Variants in SNED1 observed in about 807,000 individuals in gnomAD.
The protein encoded by SNED1 is sushi, nidogen and EGF like domains 1, also known as sushi, nidogen and EGF-like domain-containing protein 1.
SNED1 carries 81 observed loss-of-function variants against 166.7 expected under a neutral mutation model. The observed-to-expected ratio is 0.49, with a 90% confidence interval of 0.41 to 0.58. SNED1 has a LOEUF of 0.58. SNED1 is among the 20% of genes least tolerant of loss of function. The probability of loss-of-function intolerance (pLI) is 0.00; values close to 1 mark genes in which losing one functional copy is unlikely to be tolerated. For synonymous variants in SNED1, 762 were observed against 822.0 expected (o/e 0.93, Z 1.25); for missense variants, 1,604 against 2,000.2 (o/e 0.80, Z 3.78).
At chr2:241,032,083 C>G (rs1043010877) in intron 2 of SNED1, among the ~76,000 whole-genome samples, 2 of 152,168 alleles carry the variant, frequency 1.3e-5, no homozygotes, top group African/African-American at 4.8e-5. Context: ...GGTGCGATGG[C>G]TCACCCCTGT....
rs768162191 is a variant in SNED1, at chr2:241,048,675, CTG to C, written c.1416_1417del (p.Cys472Ter). ...TCTTCGTGGCAGGAGTCCCCGATGA[CTG>C]TGAGTGCCGCAACGGAGGCAGATGC... The part of the protein sequence containing the change: ...LDCRERVPDD[C>X]ECRNGGRCLG... On this transcript the variant is annotated frameshift_variant, in exon 10 of 32. Coordinates refer to ENST00000310397, the MANE Select transcript of SNED1 (RefSeq NM_001080437.3). LOFTEE classifies it high-confidence loss of function. 6.2e-7 allele frequency: 1 copy of C among 1,611,088 alleles called. No individual in the cohort carries two copies. Among genetic ancestry groups the C allele is most frequent in the Non-Finnish European group, 8.5e-7 (1 of 1,178,872 alleles).
chr2:241,029,366 C>A (rs973868722), intron 1 of SNED1, among the ~76,000 whole-genome samples: 3 of 152,232 alleles, frequency 2.0e-5, no homozygotes. Context: ...CTTCCTGGGC[C>A]ATAGATGGCA....
In SNED1 at chr2:240,999,158, G is replaced by C; in HGVS notation, c.213+108G>C. The C allele has an allele frequency of 8.1e-6, 5 of 616,878 alleles. No individual in the cohort carries two copies. The highest frequency in any genetic ancestry group is 2.0e-5 in the African/African-American group (1 of 51,076). 38.2% of individuals were successfully genotyped at this position (616,878 alleles called of 1,614,324 possible). On this transcript the variant is annotated intron_variant, in intron 1 of 31. Coordinates refer to ENST00000310397, the MANE Select transcript of SNED1 (RefSeq NM_001080437.3). This position sits in a 1 kb window ranked among gnomAD's most constrained non-coding sequence, Gnocchi z 5.8. ...CCGCCGCCGCCAGCCACTTGGCACC[G>C]GGGCGGCCCGAGGTGGAATGAGGAC...
At position 240,999,274 on chromosome 2, in the gene SNED1, CG is replaced by C. The variant is rs1293174806; in HGVS notation, c.213+229del. ...GGGCGGCAGCCGCCGGGCACCGAGG[CG>C]GGGGCGAGTGGAGCGCGGCGCCCCG... On this transcript the variant is annotated intron_variant, in intron 1 of 31. Coordinates refer to ENST00000310397, the MANE Select transcript of SNED1 (RefSeq NM_001080437.3). The surrounding 1 kb of genome is among the most constrained non-coding windows in gnomAD (Gnocchi z 5.8). Among the ~76,000 whole-genome samples, 1 of 150,250 alleles carries C rather than the reference CG, an allele frequency of 6.7e-6. No individual in the cohort carries two copies. The highest frequency in any genetic ancestry group is 2.4e-5 in the African/African-American group (1 of 41,170).
At chr2:241,026,639 T>C (rs73110145) in intron 1 of SNED1, among the ~76,000 whole-genome samples, 18,977 of 152,282 alleles carry the variant, frequency 0.12, 1,273 homozygotes, top group East Asian at 0.17. Context: ...GTTACTTATA[T>C]CGTATTCATT....
rs944122140 is a variant in SNED1, at chr2:241,053,075, G to A, written c.2084-78G>A. The A allele has an allele frequency of 6.3e-5, 89 of 1,406,634 alleles. 1 individual carries two copies. Among genetic ancestry groups the A allele is most frequent in the Middle Eastern group, 4.7e-4 (2 of 4,232 alleles). The allele number at this position is 1,406,634 out of a possible 1,614,324, so 87.1% of individuals were successfully genotyped here. On this transcript the variant is annotated intron_variant, in intron 15 of 31. Transcript: ENST00000310397. The stretch of plus-strand genomic sequence containing the variant: ...CAGGACATCCCTGGGCCCTGCAGTC[G>A]GGTCGGGCAGAGGCAGGGCGGTGGG...
chr2:241,085,361 C>T (rs2063525204), intron 29 of SNED1, among the ~76,000 whole-genome samples: 1 of 152,196 alleles, frequency 6.6e-6, no homozygotes, highest in Non-Finnish European at 1.5e-5. Flanking sequence ...TCTTCTGCAG[C>T]ATCTACCATT....
At chr2:241,088,656 A>T in intron 31 of SNED1, 1 of 516,672 alleles carries the variant, frequency 1.9e-6, no homozygotes, top group Non-Finnish European at 3.4e-6. Context: ...TGGATAGGGC[A>T]AATCCCACTC....
chr2:241,055,571 CTT>C (rs2062017237), intron 16 of SNED1, among the ~76,000 whole-genome samples: 1 of 152,212 alleles, frequency 6.6e-6, no homozygotes, highest in African/African-American at 2.4e-5. Flanking sequence ...GAAATCCTAT[CTT>C]TTCACCTATT....
intron 6 of SNED1, among the ~76,000 whole-genome samples, chr2:241,037,651 G>C (rs1488321885): frequency 6.6e-6 from 1 of 152,244 alleles, no homozygotes; most frequent in African/African-American, 2.4e-5. Context: ...CAGGATCAGG[G>C]TCAGACAGGC....
rs140945768 is a variant in SNED1, at chr2:241,034,979, C to T, written c.805+249C>T. On this transcript the variant is annotated intron_variant, in intron 4 of 31. Coordinates refer to ENST00000310397, the MANE Select transcript of SNED1 (RefSeq NM_001080437.3). Reference sequence around the variant, plus strand: ...GGAGGGAACCCTCTGGAGACTGTGCCCTAGAGAAGATCCCGCACACACACT... The same window carrying T: ...GGAGGGAACCCTCTGGAGACTGTGCTCTAGAGAAGATCCCGCACACACACT... 5.2e-3 allele frequency among the ~76,000 whole-genome samples: 777 copies of T among 150,222 alleles called. 3 individuals carry two copies. Among genetic ancestry groups the T allele is most frequent in the African/African-American group, 0.018 (727 of 39,714 alleles).
Position 240,998,971 on chromosome 2 carries a change from A to G in SNED1, c.134A>G (p.Lys45Arg). 4 of 1,322,290 alleles carry G rather than the reference A, an allele frequency of 3.0e-6. No homozygotes were observed. Among genetic ancestry groups the G allele is most frequent in the Non-Finnish European group, 2.9e-6 (3 of 1,033,532 alleles). The allele number at this position is 1,322,290 out of a possible 1,614,324, so 81.9% of individuals were successfully genotyped here. A position where few individuals can be genotyped will look rare whatever the true frequency, so the allele number is the denominator to read the frequency against. The change falls in exon 1 of 32, where the codon AAG (lysine) becomes AGG (arginine). Residue 45 changes from lysine (K) to arginine (R), a missense_variant. By Grantham distance (26) the Lys-to-Arg change is conservative. Around this residue, in one of 2 missense-constraint regions of SNED1, gnomAD observed 1,237 missense variants for 1,620.8 expected, o/e 0.76. Coordinates refer to ENST00000310397, the MANE Select transcript of SNED1 (RefSeq NM_001080437.3). ...GAERGDAVTPKQDDGGSGLRP... is the reference protein window; with the variant it reads ...GAERGDAVTPRQDDGGSGLRP... Reference sequence around the variant, plus strand: ...GAGCGCGGCGACGCCGTCACCCCCAAGCAGGACGACGGCGGCTCGGGGCTG... The same window carrying G: ...GAGCGCGGCGACGCCGTCACCCCCAGGCAGGACGACGGCGGCTCGGGGCTG...
At chr2:241,065,234 G>T (rs576790821) in intron 20 of SNED1, 65 bp from the exon 21 acceptor site, 96 of 1,551,684 alleles carry the variant, frequency 6.2e-5, no homozygotes, top group Middle Eastern at 3.4e-4. Flanking sequence ...CCGCCGACGG[G>T]AGCCAGGCAT....
In SNED1 at chr2:241,064,680, G is replaced by A. The variant is rs1010614559; in HGVS notation, c.2600-164G>A. ...AGGAGCTGCTGGGTTGGGCCCCGCA[G>A]GGCAGTGGAGGTGGCAGAACCGAAG... On this transcript the variant is annotated intron_variant, in intron 19 of 31. Coordinates refer to ENST00000310397, the MANE Select transcript of SNED1 (RefSeq NM_001080437.3). This position sits in a 1 kb window ranked among gnomAD's most constrained non-coding sequence, Gnocchi z 7.0. 4.6e-5 allele frequency among the ~76,000 whole-genome samples: 7 copies of A among 152,170 alleles called. No individual in the cohort carries two copies. Among genetic ancestry groups the A allele is most frequent in the Non-Finnish European group, 7.4e-5 (5 of 68,024 alleles).
rs2125243965 is a variant in SNED1 at position 241,071,843 on chromosome 2, G to A, written c.3782G>A (p.Gly1261Asp). 2 of 1,605,636 alleles carry A rather than the reference G, an allele frequency of 1.2e-6. No homozygotes were observed. The highest frequency in any genetic ancestry group is 1.7e-6 in the Non-Finnish European group (2 of 1,176,680). The change falls in exon 26 of 32, where the codon GGT becomes GAT. Residue 1261 changes from glycine (G) to aspartate (D), a missense_variant. By Grantham distance (94) the Gly-to-Asp change is moderately conservative. This residue lies in a region of SNED1 where 367 missense variants were observed against 379.4 expected (regional missense o/e 0.97). Transcript: ENST00000310397. ...AGAGGAAGAGTGAGCGCCAGGTTCG[G>A]TGGCTCACCCAGCAAAGCAGCCACC... ...DGRGRVSARFGGSPSKAATVR... is the reference protein window; with the variant it reads ...DGRGRVSARFDGSPSKAATVR...
intron 1 of SNED1, among the ~76,000 whole-genome samples, chr2:241,005,959 C>T (rs1423992601): frequency 6.6e-6 from 1 of 152,062 alleles, no homozygotes; most frequent in Non-Finnish European, 1.5e-5. Flanking sequence ...AAAAAAATCT[C>T]AGCCATCTTC....
At position 241,067,912 on chromosome 2, in the gene SNED1, C is replaced by T. The variant is rs367940771; in HGVS notation, c.3159C>T (p.Thr1053=). The change falls in exon 22 of 32, where the codon ACC becomes ACT. Residue 1053 remains threonine (T), a synonymous_variant. Transcript: ENST00000310397. The part of the protein sequence containing the change: ...RHPEALRDQA[T]DVDRSVDRFT... ...CTGAGGCCCTCAGGGACCAGGCCAC[C>T]GATGTGGACAGGAGTGTGGACAGGT... 3.5e-5 allele frequency: 57 copies of T among 1,613,258 alleles called. No individual in the cohort carries two copies. The highest frequency in any genetic ancestry group is 1.5e-4 in the Admixed American group (9 of 60,004).
rs1231296783 is a variant in SNED1 at position 241,064,126 on chromosome 2, G to A, written c.2599+1G>A. On this transcript the variant is annotated splice_donor_variant, in intron 19 of 31. Coordinates refer to ENST00000310397, the MANE Select transcript of SNED1 (RefSeq NM_001080437.3). LOFTEE classifies it high-confidence loss of function. The surrounding 1 kb of genome is among the most constrained non-coding windows in gnomAD (Gnocchi z 7.0). ...TTCTTCGGCTACCACTGCGAGACAGGTAGGGCGGCAGGCCTGCCTGCTCCC... is the reference window on the plus strand; with the variant it reads ...TTCTTCGGCTACCACTGCGAGACAGATAGGGCGGCAGGCCTGCCTGCTCCC... 6.5e-7 allele frequency: 1 copy of A among 1,549,878 alleles called. No homozygotes were observed. The highest frequency in any genetic ancestry group is 8.7e-7 in the Non-Finnish European group (1 of 1,147,510).
In SNED1 at chr2:241,073,239, GT is replaced by G. The variant is rs1308846847; in HGVS notation, c.3818-26del. The G allele has an allele frequency of 1.3e-6, 2 of 1,526,366 alleles. No individual in the cohort carries two copies. The highest frequency in any genetic ancestry group is 1.8e-6 in the Non-Finnish European group (2 of 1,125,180). 94.6% of individuals were successfully genotyped at this position (1,526,366 alleles called of 1,614,324 possible). ...ATCCCGGGTGCAAAGCAGCTGCGCC[GT>G]GTGGTCACCGCCTGGCTTCTCCTAG... On this transcript the variant is annotated intron_variant, in intron 26 of 31. Coordinates refer to ENST00000310397, the MANE Select transcript of SNED1 (RefSeq NM_001080437.3). The surrounding 1 kb of genome is among the most constrained non-coding windows in gnomAD (Gnocchi z 6.6).
Sources: gnomAD v4.1 joint callset for allele counts (sites outside exome capture counted in the v4.1 genomes callset) on GRCh38, gnomAD v4.1.1 for gene constraint, gnomAD v4.1.1 regional missense constraint, Gnocchi (gnomAD v3.1) non-coding constraint, MANE v1.5 for transcripts, NCBI Gene and HGNC (gene_info 2026-07-23, HGNC 2026-07-21) for gene names.